Variants in FBXL20 observed in about 807,000 individuals in gnomAD.
FBXL20 encodes the protein F-box and leucine rich repeat protein 20, also known as F-box/LRR-repeat protein 20.
Under a neutral mutation model 64.0 loss-of-function variants are expected in FBXL20, and 11 were observed. That is an observed-to-expected ratio of 0.17 (90% CI 0.11 to 0.28). FBXL20 has a LOEUF of 0.28. Among genes scored for constraint, FBXL20 ranks in the 10% least tolerant of loss-of-function variants. The pLI is 1.00. For synonymous variants in FBXL20, 184 were observed against 189.0 expected, an observed-to-expected ratio of 0.97 and a Z score of 0.22; for missense variants, 303 against 526.2, an observed-to-expected ratio of 0.58 and a Z score of 4.15.
rs553206110 is a variant in FBXL20, at chr17:39,359,906, G to C, written c.43-16665C>G. On this transcript the variant is annotated intron_variant, in intron 1 of 14. Coordinates refer to ENST00000264658, the MANE Select transcript of FBXL20 (RefSeq NM_032875.3). The stretch of plus-strand genomic sequence containing the variant: ...ACAGATGAATGAATAAACAAAATGT[G>C]CTTTTTACATAAAATGGAATATTTA... Among the ~76,000 whole-genome samples, 15 of 152,060 alleles carry C rather than the reference G, an allele frequency of 9.9e-5. 1 individual carries two copies. The East Asian group carries it at 2.7e-3, about 27-fold the overall frequency.
intron 1 of FBXL20, among the ~76,000 whole-genome samples, chr17:39,358,976 T>C (rs1336430861): frequency 6.6e-6 from 1 of 152,162 alleles, no homozygotes; most frequent in Middle Eastern, 3.4e-3. Context: ...CACTAATCAT[T>C]AGAAAAATGC....
intron 7 of FBXL20, among the ~76,000 whole-genome samples, chr17:39,283,265 A>G (rs1177481572): frequency 6.6e-6 from 1 of 152,126 alleles, no homozygotes; most frequent in Non-Finnish European, 1.5e-5. Flanking sequence ...CCTTATCTTA[A>G]ATGCTTGGTA....
intron 1 of FBXL20, among the ~76,000 whole-genome samples, chr17:39,381,533 G>A (rs1457486244): frequency 6.7e-6 from 1 of 150,136 alleles, no homozygotes; most frequent in African/African-American, 2.5e-5. Flanking sequence ...GTTCATGCCT[G>A]TAATCCCAAC....
chr17:39,351,588 A>C (rs1323474235), intron 1 of FBXL20, among the ~76,000 whole-genome samples: 2 of 152,202 alleles, frequency 1.3e-5, no homozygotes, highest in African/African-American at 4.8e-5. Context: ...AATTACAACA[A>C]TCTTGTGAAG....
At chr17:39,268,579 T>C (rs1484759125) in intron 12 of FBXL20, among the ~76,000 whole-genome samples, 3 of 152,128 alleles carry the variant, frequency 2.0e-5, no homozygotes. Flanking sequence ...TTTTAACAGC[T>C]TTACAGCCTG....
At chr17:39,385,084 T>C (rs1281834021) in intron 1 of FBXL20, among the ~76,000 whole-genome samples, 3 of 152,178 alleles carry the variant, frequency 2.0e-5, no homozygotes, top group African/African-American at 7.2e-5. Flanking sequence ...TAGCTATGCA[T>C]GGTGGTGCAT....
chr17:39,330,559 A>G (rs2047451006), intron 2 of FBXL20, among the ~76,000 whole-genome samples: 1 of 152,198 alleles, frequency 6.6e-6, no homozygotes, highest in Non-Finnish European at 1.5e-5. Context: ...GGTTGCAGTG[A>G]GCCAAGATTA....
chr17:39,304,462 AT>A (rs1050601555), intron 2 of FBXL20, among the ~76,000 whole-genome samples: 94 of 151,746 alleles, frequency 6.2e-4, no homozygotes, highest in African/African-American at 2.1e-3. Flanking sequence ...TAATTTTTTA[AT>A]TTTTTTGTAG....
At chr17:39,395,191 G>A (rs907544861) in intron 1 of FBXL20, among the ~76,000 whole-genome samples, 3 of 152,152 alleles carry the variant, frequency 2.0e-5, no homozygotes, top group Non-Finnish European at 2.9e-5. Flanking sequence ...TTGGGAGGCC[G>A]AGGTGGGCAG....
At chr17:39,338,464 C>T (rs970901670) in intron 2 of FBXL20, among the ~76,000 whole-genome samples, 1 of 152,136 alleles carries the variant, frequency 6.6e-6, no homozygotes, top group African/African-American at 2.4e-5. Context: ...TATCTGCTGA[C>T]CTTCCCTCCA....
chr17:39,317,126 A>G (rs1239883404), intron 2 of FBXL20, among the ~76,000 whole-genome samples: 5 of 152,240 alleles, frequency 3.3e-5, no homozygotes, highest in Non-Finnish European at 7.3e-5. Flanking sequence ...TATGAATTGA[A>G]TCCAAACAGA....
chr17:39,291,069 C>T (rs1300740557), intron 6 of FBXL20, among the ~76,000 whole-genome samples: 1 of 151,786 alleles, frequency 6.6e-6, no homozygotes, highest in Non-Finnish European at 1.5e-5. Flanking sequence ...TCATGCCATT[C>T]TCCTGCCTCA....
At chr17:39,269,329 G>A (rs977593010) in intron 11 of FBXL20, among the ~76,000 whole-genome samples, 9 of 151,974 alleles carry the variant, frequency 5.9e-5, no homozygotes. Flanking sequence ...GAGTAGCTGG[G>A]ACTACAGGCG....
At chr17:39,344,739 A>T (rs2047616641) in intron 1 of FBXL20, among the ~76,000 whole-genome samples, 1 of 152,184 alleles carries the variant, frequency 6.6e-6, no homozygotes, top group Non-Finnish European at 1.5e-5. Context: ...GCAGTGAGCC[A>T]AGATGGCGCC....
Position 39,282,839 on chromosome 17 carries a change from A to G in FBXL20, c.511T>C (p.Leu171=), listed in dbSNP as rs2046959744. The G allele has an allele frequency of 6.2e-7, 1 of 1,614,162 alleles. No homozygotes were observed. Among genetic ancestry groups the G allele is most frequent in the Non-Finnish European group, 8.5e-7 (1 of 1,180,022 alleles). Residue 171 remains leucine, a synonymous_variant, in exon 8 of 15, where the codon TTG becomes CTG. Transcript: ENST00000264658. ...LKALSEGCPL[L]EQLNISWCDQ... Reference sequence around the variant, plus strand: ...CACCAGGAAATGTTCAACTGCTCCAACAGTGGACATCCCTCACTTAGGATA... The same window carrying G: ...CACCAGGAAATGTTCAACTGCTCCAGCAGTGGACATCCCTCACTTAGGATA...
intron 1 of FBXL20, among the ~76,000 whole-genome samples, chr17:39,396,070 C>CT (rs1555616274): frequency 3.2e-5 from 2 of 62,646 alleles, no homozygotes; most frequent in Admixed American, 1.8e-4. Flanking sequence ...AAAGACTTTT[C>CT]GAAAAAAAAA....
chr17:39,379,493 A>T (rs1370860470), intron 1 of FBXL20, among the ~76,000 whole-genome samples: 1 of 150,528 alleles, frequency 6.6e-6, no homozygotes, highest in Non-Finnish European at 1.5e-5. Flanking sequence ...ACCAAAAAAA[A>T]AAAAACTGGC....
intron 2 of FBXL20, among the ~76,000 whole-genome samples, chr17:39,317,339 C>T (rs1229709053): frequency 1.3e-5 from 2 of 152,084 alleles, no homozygotes; most frequent in African/African-American, 2.4e-5. Flanking sequence ...TCAACTGATT[C>T]TCCTGCCTCA....
chr17:39,391,307 G>A (rs915217929), intron 1 of FBXL20, among the ~76,000 whole-genome samples: 1 of 150,024 alleles, frequency 6.7e-6, no homozygotes, highest in African/African-American at 2.4e-5. Flanking sequence ...GGAATCGAAA[G>A]CAGTATATAG....
Sources: allele counts gnomAD v4.1 joint callset (sites outside exome capture counted in the v4.1 genomes callset), GRCh38; gene constraint gnomAD v4.1.1; transcripts MANE v1.5; gene names NCBI Gene and HGNC (gene_info 2026-07-23, HGNC 2026-07-21).